The following PRRC2C variants were observed in gnomAD, a reference collection of about 807,000 sequenced individuals.
The protein encoded by PRRC2C is protein PRRC2C.
PRRC2C carries 72 observed loss-of-function variants against 317.2 expected under a neutral mutation model. The observed-to-expected ratio is 0.23, with a 90% confidence interval of 0.19 to 0.28. The LOEUF (loss-of-function observed/expected upper bound fraction) is 0.28, where lower values mean the gene tolerates loss of function less well. Among genes scored for constraint, PRRC2C ranks in the 10% least tolerant of loss-of-function variants. The probability of loss-of-function intolerance (pLI) is 1.00; values close to 1 mark genes in which losing one functional copy is unlikely to be tolerated. For missense variants in PRRC2C, 3,074 were observed against 3,459.7 expected, an observed-to-expected ratio of 0.89 and a Z score of 2.80; for synonymous variants, 1,296 against 1,205.9, an observed-to-expected ratio of 1.07 and a Z score of -1.55.
At chr1:171,526,031 G>A (rs1016311715) in intron 10 of PRRC2C, among the ~76,000 whole-genome samples, 1 of 152,078 alleles carries the variant, frequency 6.6e-6, no homozygotes, top group East Asian at 1.9e-4. Context: ...ACTTTTTTGT[G>A]TGACTTTTTA....
At chr1:171,522,286 G>A (rs369234124) in intron 7 of PRRC2C, 27 bp downstream of exon 7, 102 of 1,440,102 alleles carry the variant, frequency 7.1e-5, no homozygotes, top group Non-Finnish European at 9.4e-5. Context: ...ATTAAAGTCT[G>A]TAAGGAATAT....
chr1:171,559,014 T>C (rs1213294882), intron 19 of PRRC2C, among the ~76,000 whole-genome samples: 1 of 152,204 alleles, frequency 6.6e-6, no homozygotes, highest in Non-Finnish European at 1.5e-5. Flanking sequence ...ACCCAAAGCC[T>C]AATCCAAAGC....
chr1:171,504,175 T>C (rs1669734167), intron 1 of PRRC2C, among the ~76,000 whole-genome samples: 1 of 152,176 alleles, frequency 6.6e-6, no homozygotes, highest in Non-Finnish European at 1.5e-5. Context: ...GTTATGAGAG[T>C]TTTGTATGTA....
intron 6 of PRRC2C, among the ~76,000 whole-genome samples, chr1:171,518,472 ATTTTTTTTCAATTTTTTTTCAATT>A (rs1672823564): frequency 9.0e-6 from 1 of 111,022 alleles, no homozygotes; most frequent in Non-Finnish European, 2.1e-5. Flanking sequence ...ATTTTTTTCA[ATTTTTTTTCAATTTTTTTTCAATT>A]TTTTTTTTTT....
At position 171,526,148 on chromosome 1, in the gene PRRC2C, T is replaced by C. The variant is rs144484322; in HGVS notation, c.1200+1183T>C. Among the ~76,000 whole-genome samples the C allele has an allele frequency of 2.2e-3, 336 of 152,338 alleles. 1 individual carries two copies. The highest frequency in any genetic ancestry group is 7.8e-3 in the African/African-American group (325 of 41,586). Reference sequence around the variant, plus strand: ...TTTGTGACAGTCATGTGACAGTTTATATTAGCAAGTGAATGTTTCATGTAT... The same window carrying C: ...TTTGTGACAGTCATGTGACAGTTTACATTAGCAAGTGAATGTTTCATGTAT... On this transcript the variant is annotated intron_variant, in intron 10 of 34. Coordinates refer to ENST00000647382, the MANE Select transcript of PRRC2C (RefSeq NM_001387844.1).
At chr1:171,506,205 C>G (rs1032400421) in intron 1 of PRRC2C, among the ~76,000 whole-genome samples, 1 of 152,130 alleles carries the variant, frequency 6.6e-6, no homozygotes, top group African/African-American at 2.4e-5. Context: ...CCAATTTTGC[C>G]TTTATTTTTG....
intron 20 of PRRC2C, among the ~76,000 whole-genome samples, chr1:171,563,146 G>A (rs1683009704): frequency 6.6e-6 from 1 of 152,080 alleles, no homozygotes; most frequent in Admixed American, 6.6e-5. Flanking sequence ...GTGAGTTTAA[G>A]AGGAAATGAA....
At chr1:171,521,465 T>C (rs147708066) in intron 6 of PRRC2C, among the ~76,000 whole-genome samples, 4 of 152,332 alleles carry the variant, frequency 2.6e-5, no homozygotes, top group Non-Finnish European at 5.9e-5. Context: ...CAGTTTATAA[T>C]GATCATCTGT....
At chr1:171,531,274 A>C (rs1675813246) in intron 11 of PRRC2C, among the ~76,000 whole-genome samples, 1 of 152,212 alleles carries the variant, frequency 6.6e-6, no homozygotes, top group Non-Finnish European at 1.5e-5. Context: ...TCATTTGTCC[A>C]AACTCATCAA....
rs191230233 is a variant in PRRC2C at position 171,499,602 on chromosome 1, G to A, written c.-57-12430G>A. Among the ~76,000 whole-genome samples, 504 of 152,246 alleles carry A rather than the reference G, an allele frequency of 3.3e-3. 3 individuals carry two copies. Among genetic ancestry groups the A allele is most frequent in the Non-Finnish European group, 6.1e-3 (413 of 68,000 alleles). On this transcript the variant is annotated intron_variant, in intron 1 of 34. Transcript: ENST00000647382. ...GTGGATCACTTGAGGTCGGGAGTTC[G>A]AGACCAGCCTGGCCAACATGGTGAA...
intron 27 of PRRC2C, 22 bp from the exon 28 acceptor site, chr1:171,579,806 A>G (rs372581321): frequency 1.3e-6 from 2 of 1,519,188 alleles, no homozygotes; most frequent in Non-Finnish European, 8.8e-7. Context: ...ATATGTTTAC[A>G]TACTTTCTCA....
chr1:171,566,585 A>C lies in PRRC2C; in HGVS notation c.6307-7A>C, dbSNP rs768256615. On this transcript the variant is annotated splice_region_variant and splice_polypyrimidine_tract_variant and intron_variant, in intron 21 of 34. Transcript: ENST00000647382. ...AACATAGTTTTATCATAAACATTTG[A>C]CTTTAGCTTCCAGATTTGAGTCCAG... is the stretch of plus-strand genomic sequence containing the variant. 1.3e-5 allele frequency: 20 copies of C among 1,561,522 alleles called. No homozygotes were observed. The highest frequency in any genetic ancestry group is 1.6e-5 in the Non-Finnish European group (18 of 1,155,912).
chr1:171,495,659 T>G (rs1415068364), intron 1 of PRRC2C, among the ~76,000 whole-genome samples: 1 of 152,194 alleles, frequency 6.6e-6, no homozygotes, highest in Non-Finnish European at 1.5e-5. Context: ...GTGACTAAAT[T>G]TTTTTAAGGT....
intron 20 of PRRC2C, among the ~76,000 whole-genome samples, chr1:171,562,636 A>T (rs1682913683): frequency 6.6e-6 from 1 of 152,184 alleles, no homozygotes; most frequent in Non-Finnish European, 1.5e-5. Context: ...GTTAGCTCCA[A>T]AGTTTTTGGG....
chr1:171,558,735 AC>A (rs35735013), intron 19 of PRRC2C, among the ~76,000 whole-genome samples: 97,384 of 151,856 alleles, frequency 0.64, 31,294 homozygotes, highest in East Asian at 0.81. Flanking sequence ...CTTTAAGAAC[AC>A]AACAATGTTG....
chr1:171,489,110 TTA>T (rs1269665095), intron 1 of PRRC2C, among the ~76,000 whole-genome samples: 1 of 152,174 alleles, frequency 6.6e-6, no homozygotes, highest in African/African-American at 2.4e-5. Flanking sequence ...TACCTAGAGT[TTA>T]TATGTTATTG....
chr1:171,591,118 G>C, intron 34 of PRRC2C: 1 of 966,626 alleles, frequency 1.0e-6, no homozygotes. Context: ...AAGTGAAGTC[G>C]TAGTTACTAA....
At chr1:171,572,783 G>C (rs1685005851) in intron 24 of PRRC2C, among the ~76,000 whole-genome samples, 2 of 151,998 alleles carry the variant, frequency 1.3e-5, no homozygotes, top group South Asian at 4.1e-4. Context: ...TTATTTTTAA[G>C]CCAGTATTTA....
Position 171,523,420 on chromosome 1 carries a change from TC to T in PRRC2C, c.968-13del. On this transcript the variant is annotated splice_polypyrimidine_tract_variant and intron_variant, in intron 8 of 34. Transcript: ENST00000647382. ...GCTTTCAAGCAGCCAGTCTGAGTTT[TC>T]CTTAATTTAATAGGTGCTCAGATGG... 6.2e-7 allele frequency: 1 copy of T among 1,613,612 alleles called. No individual in the cohort carries two copies. The highest frequency in any genetic ancestry group is 8.5e-7 in the Non-Finnish European group (1 of 1,179,692).
Sources: allele counts gnomAD v4.1 joint callset (sites outside exome capture counted in the v4.1 genomes callset), GRCh38; gene constraint gnomAD v4.1.1; transcripts MANE v1.5; gene names NCBI Gene and HGNC (gene_info 2026-07-23, HGNC 2026-07-21).